PPM1E: variants seen among roughly 807,000 people sequenced by gnomAD.
The protein encoded by PPM1E is protein phosphatase 1E.
PPM1E carries 20 observed loss-of-function variants against 65.9 expected under a neutral mutation model. That is an observed-to-expected ratio of 0.30 (90% CI 0.21 to 0.44). The LOEUF is 0.44. Ranked by LOEUF, PPM1E falls within the 20% of genes least tolerant of loss-of-function variation. The pLI, the probability that PPM1E is intolerant of heterozygous loss-of-function variation, is 1.00. For missense variants in PPM1E, 713 were observed against 953.1 expected (o/e 0.75, Z 3.32); for synonymous variants, 352 against 374.9 (o/e 0.94, Z 0.70).
intron 3 of PPM1E, among the ~76,000 whole-genome samples, chr17:58,969,055 A>G (rs2030432432): frequency 6.6e-6 from 1 of 152,114 alleles, no homozygotes. Context: ...TATATTTTAA[A>G]CTTGATTTAA....
chr17:58,857,036 AT>A (rs2050890352), intron 1 of PPM1E, among the ~76,000 whole-genome samples: 1 of 152,100 alleles, frequency 6.6e-6, no homozygotes, highest in African/African-American at 2.4e-5. Context: ...AGTTTAACCT[AT>A]TTTTTGCCCC....
At chr17:58,833,749 A>G (rs1373244428) in intron 1 of PPM1E, among the ~76,000 whole-genome samples, 2 of 152,264 alleles carry the variant, frequency 1.3e-5, no homozygotes, top group African/African-American at 4.8e-5. Context: ...TATACCCAGT[A>G]TGGGTAATCG....
At chr17:58,802,144 A>AC (rs1166097401) in intron 1 of PPM1E, among the ~76,000 whole-genome samples, 1 of 152,192 alleles carries the variant, frequency 6.6e-6, no homozygotes, top group East Asian at 1.9e-4. Context: ...TGTGTTTTCA[A>AC]CTAGGAGTTT....
chr17:58,894,098 C>A (rs2051382005), intron 1 of PPM1E, among the ~76,000 whole-genome samples: 1 of 151,662 alleles, frequency 6.6e-6, no homozygotes, highest in African/African-American at 2.4e-5. Context: ...GAAAAACCAC[C>A]AAAAAACAAA....
At chr17:58,845,437 C>G (rs1267090113) in intron 1 of PPM1E, among the ~76,000 whole-genome samples, 20 of 151,986 alleles carry the variant, frequency 1.3e-4, no homozygotes, top group Admixed American at 1.2e-3. Context: ...CCATCCATCT[C>G]CAGAACTCTT....
chr17:58,909,271 A>G (rs2051595084), intron 1 of PPM1E, among the ~76,000 whole-genome samples: 1 of 152,004 alleles, frequency 6.6e-6, no homozygotes, highest in African/African-American at 2.4e-5. Context: ...CGCCAACCCC[A>G]CACTGAGACA....
intron 1 of PPM1E, among the ~76,000 whole-genome samples, chr17:58,893,596 G>A (rs181589206): frequency 6.6e-6 from 1 of 152,244 alleles, no homozygotes; most frequent in Admixed American, 6.5e-5. Context: ...TGTAAACTAT[G>A]GACTTTGGGT....
intron 1 of PPM1E, among the ~76,000 whole-genome samples, chr17:58,780,341 T>G (rs1443051780): frequency 2.0e-5 from 3 of 152,126 alleles, no homozygotes; most frequent in Admixed American, 2.0e-4. Flanking sequence ...AAACCCTGTC[T>G]CCACAAAAAT....
intron 1 of PPM1E, among the ~76,000 whole-genome samples, chr17:58,837,802 A>G (rs182338335): frequency 3.2e-4 from 49 of 152,288 alleles, no homozygotes; most frequent in Non-Finnish European, 5.4e-4. Context: ...CCAGCCCATG[A>G]GGTTTTTATA....
chr17:58,800,675 A>G (rs539591265), intron 1 of PPM1E, among the ~76,000 whole-genome samples: 6 of 152,194 alleles, frequency 3.9e-5, no homozygotes, highest in East Asian at 1.9e-4. Context: ...GAATTTGTCT[A>G]TTTCTTCTAA....
In PPM1E at chr17:58,981,108, CT is replaced by C. The variant is rs1192003492; in HGVS notation, c.*78del. ...CAGAGTAGAAACAAGGTAGACATTT[CT>C]AAAACATATGTGCTTCATTATGAAT... On this transcript the variant is annotated 3_prime_UTR_variant, in exon 7 of 7. Transcript: ENST00000308249. The C allele has an allele frequency of 9.8e-7, 1 of 1,023,302 alleles. No homozygotes were observed. The highest frequency in any genetic ancestry group is 1.4e-6 in the Non-Finnish European group (1 of 699,768). 63.4% of individuals were successfully genotyped at this position (1,023,302 alleles called of 1,614,324 possible). A position where few individuals can be genotyped will look rare whatever the true frequency, so the allele number is the denominator to read the frequency against.
At chr17:58,907,384 C>A (rs2051571455) in intron 1 of PPM1E, among the ~76,000 whole-genome samples, 1 of 129,060 alleles carries the variant, frequency 7.7e-6, no homozygotes, top group African/African-American at 2.8e-5. Context: ...ATTTAAATTT[C>A]TTAATGCATG....
chr17:58,879,369 T>C (rs954039733), intron 1 of PPM1E, among the ~76,000 whole-genome samples: 6 of 150,924 alleles, frequency 4.0e-5, no homozygotes, highest in African/African-American at 7.3e-5. Flanking sequence ...ACTCAAGCAA[T>C]CCTGCTACCT....
intron 1 of PPM1E, among the ~76,000 whole-genome samples, chr17:58,790,445 C>A (rs2050146582): frequency 1.3e-5 from 2 of 152,144 alleles, no homozygotes; most frequent in African/African-American, 4.8e-5. Flanking sequence ...TGGACATCAT[C>A]AGTTCCTTCT....
intron 1 of PPM1E, among the ~76,000 whole-genome samples, chr17:58,885,382 A>G (rs1175150612): frequency 2.0e-5 from 3 of 152,154 alleles, no homozygotes; most frequent in Non-Finnish European, 4.4e-5. Flanking sequence ...AATATCAAAC[A>G]GTTCTTTTGA....
At chr17:58,819,472 C>CG (rs1567843215) in intron 1 of PPM1E, among the ~76,000 whole-genome samples, 6 of 152,072 alleles carry the variant, frequency 3.9e-5, no homozygotes, top group Non-Finnish European at 8.8e-5. Context: ...TTTCTAATTA[C>CG]ATTTTTTGTT....
intron 1 of PPM1E, among the ~76,000 whole-genome samples, chr17:58,819,159 T>G (rs962642782): frequency 6.6e-6 from 1 of 152,208 alleles, no homozygotes; most frequent in African/African-American, 2.4e-5. Flanking sequence ...ATTTATTTAT[T>G]TTTTTGGAGA....
At chr17:58,894,640 A>T (rs1447522470) in intron 1 of PPM1E, among the ~76,000 whole-genome samples, 1 of 152,206 alleles carries the variant, frequency 6.6e-6, no homozygotes, top group African/African-American at 2.4e-5. Flanking sequence ...CAGGAGCTTC[A>T]TTGATCTTTC....
At chr17:58,890,704 T>C (rs1249583017) in intron 1 of PPM1E, among the ~76,000 whole-genome samples, 1 of 152,188 alleles carries the variant, frequency 6.6e-6, no homozygotes, top group African/African-American at 2.4e-5. Flanking sequence ...TTTAATCTCT[T>C]TTCTATCTGT....
Sources: gnomAD v4.1 joint callset for allele counts (sites outside exome capture counted in the v4.1 genomes callset) on GRCh38, gnomAD v4.1.1 for gene constraint, MANE v1.5 for transcripts, NCBI Gene and HGNC (gene_info 2026-07-23, HGNC 2026-07-21) for gene names.